Variants in ABCG1 observed in about 807,000 individuals in gnomAD.
The protein encoded by ABCG1 is ATP-binding cassette sub-family G member 1.
A neutral mutation model predicts 69.2 loss-of-function variants in ABCG1; 29 were observed. The observed-to-expected ratio is 0.42, with a 90% CI of 0.31 to 0.57. The LOEUF is 0.57. ABCG1 is among the 20% of genes least tolerant of loss of function. ABCG1 has a pLI of 0.15. For synonymous variants in ABCG1, 370 were observed against 374.8 expected (o/e 0.99, Z 0.15); for missense variants, 718 against 898.1 (o/e 0.80, Z 2.56).
At chr21:42,250,381 C>T (rs1170954018) in intron 2 of ABCG1, among the ~76,000 whole-genome samples, 1 of 152,170 alleles carries the variant, frequency 6.6e-6, no homozygotes, top group African/African-American at 2.4e-5. Flanking sequence ...CCATTCCCTG[C>T]CCCATGCCTC....
intron 2 of ABCG1, among the ~76,000 whole-genome samples, chr21:42,208,751 T>C (rs900399375): frequency 6.6e-6 from 1 of 152,256 alleles, no homozygotes; most frequent in African/African-American, 2.4e-5. Context: ...TAATTTTCCC[T>C]GCTCTAGCAA....
At chr21:42,252,921 C>A (rs948550723) in intron 2 of ABCG1, among the ~76,000 whole-genome samples, 3 of 152,156 alleles carry the variant, frequency 2.0e-5, no homozygotes, top group African/African-American at 7.2e-5. Context: ...GCTGGGGAAG[C>A]TGCTGCTTGA....
chr21:42,254,154 G>A (rs1000708899), intron 2 of ABCG1, among the ~76,000 whole-genome samples: 7 of 152,272 alleles, frequency 4.6e-5, no homozygotes, highest in South Asian at 4.1e-4. Flanking sequence ...CCCCAGAACC[G>A]GATGACACAA....
At chr21:42,280,804 C>T (rs1008157359) in intron 5 of ABCG1, among the ~76,000 whole-genome samples, 2 of 152,226 alleles carry the variant, frequency 1.3e-5, no homozygotes, top group Non-Finnish European at 2.9e-5. Flanking sequence ...CGGCCAAGAG[C>T]GTCGCCCAGT....
chr21:42,222,391 T>C (rs2123507351), intron 1 of ABCG1, among the ~76,000 whole-genome samples: 1 of 152,352 alleles, frequency 6.6e-6, no homozygotes, highest in East Asian at 1.9e-4. Context: ...CTGTATGCAT[T>C]GCTTTGCTGT....
chr21:42,237,772 C>T (rs565414422), intron 2 of ABCG1, among the ~76,000 whole-genome samples: 4 of 152,352 alleles, frequency 2.6e-5, no homozygotes, highest in African/African-American at 9.6e-5. Context: ...CATGAGCCAC[C>T]TCTGACTAAG....
At position 42,271,143 on chromosome 21, in the gene ABCG1, CG is replaced by C; in HGVS notation, c.364del (p.Ala122ProfsTer6). 6.3e-7 allele frequency: 1 copy of C among 1,580,818 alleles called. No individual in the cohort carries two copies. Among genetic ancestry groups the C allele is most frequent in the Non-Finnish European group, 8.6e-7 (1 of 1,166,068 alleles). ...AGTTGGTGGCCATTATGGGTCCTTCCGGGGCCGGGAAGTCCACGCTGATGAA... is the reference window on the plus strand; with the variant it reads ...AGTTGGTGGCCATTATGGGTCCTTCCGGGCCGGGAAGTCCACGCTGATGAA... ...GELVAIMGPSGAGKSTLMNIL... is the reference protein window; with the variant it reads ...GELVAIMGPSXAGKSTLMNIL... On this transcript the variant is annotated frameshift_variant, in exon 3 of 15. Transcript: ENST00000398449. LOFTEE classifies it high-confidence loss of function.
chr21:42,224,120 G>T (rs1405719876), intron 1 of ABCG1, among the ~76,000 whole-genome samples: 3 of 152,224 alleles, frequency 2.0e-5, no homozygotes, highest in Non-Finnish European at 4.4e-5. Context: ...TATTTGTGTG[G>T]CAAGGTGGGG....
At chr21:42,260,959 C>T (rs2068398828) in intron 2 of ABCG1, among the ~76,000 whole-genome samples, 1 of 152,134 alleles carries the variant, frequency 6.6e-6, no homozygotes, top group Admixed American at 6.6e-5. Context: ...GTAGCTGGGA[C>T]TACAGGCGCC....
chr21:42,249,545 T>C (rs1448341410), intron 2 of ABCG1, among the ~76,000 whole-genome samples: 2 of 152,194 alleles, frequency 1.3e-5, no homozygotes, highest in Non-Finnish European at 2.9e-5. Context: ...AAATGAGTTC[T>C]GTGTTGAGAA....
At chr21:42,221,138 T>A (rs968093641) in intron 1 of ABCG1, 5 of 152,116 alleles carry the variant, frequency 3.3e-5, no homozygotes, top group Admixed American at 1.3e-4. Context: ...CTCTGAAAAC[T>A]GGGTACTTTA....
intron 2 of ABCG1, chr21:42,255,959 T>C (rs2068297354): frequency 3.5e-6 from 1 of 289,744 alleles, no homozygotes; most frequent in Admixed American, 5.2e-5. Flanking sequence ...CTTTGTTTTC[T>C]AGGACATCTC....
chr21:42,232,044 G>GC (rs2067908754), intron 2 of ABCG1, among the ~76,000 whole-genome samples: 1 of 152,154 alleles, frequency 6.6e-6, no homozygotes, highest in African/African-American at 2.4e-5. Flanking sequence ...GTTCTCAGTG[G>GC]CCCCCAGGTG....
At chr21:42,223,967 G>T (rs2067772720) in intron 1 of ABCG1, among the ~76,000 whole-genome samples, 1 of 152,190 alleles carries the variant, frequency 6.6e-6, no homozygotes, top group African/African-American at 2.4e-5. Context: ...CTGGGGTGGA[G>T]GTGGAGAGGA....
chr21:42,278,705 A>T (rs182694), intron 5 of ABCG1, among the ~76,000 whole-genome samples: 11 of 152,014 alleles, frequency 7.2e-5, no homozygotes, highest in African/African-American at 2.7e-4. Context: ...ACTTCGTTAC[A>T]GCAGTGAACG....
rs1362303941 is a variant in ABCG1 at position 42,287,091 on chromosome 21, G to T, written c.974-798G>T. On this transcript the variant is annotated intron_variant, in intron 8 of 14. Transcript: ENST00000398449. The surrounding 1 kb of genome is among the most constrained non-coding windows in gnomAD (Gnocchi z 6.2). ...AAAGGTAAGGGTGTTGGGGAGCTTT[G>T]GGCCTTAGCAAGAACGTTACTGGAG... Among the ~76,000 whole-genome samples, 1 of 152,202 alleles carries T rather than the reference G, an allele frequency of 6.6e-6. No individual in the cohort carries two copies. Among genetic ancestry groups the T allele is most frequent in the African/African-American group, 2.4e-5 (1 of 41,444 alleles).
Position 42,266,373 on chromosome 21 carries a change from A to G in ABCG1, c.287-4697A>G, listed in dbSNP as rs527831789. Among the ~76,000 whole-genome samples, 4 of 152,290 alleles carry G rather than the reference A, an allele frequency of 2.6e-5. No individual in the cohort carries two copies. The East Asian group carries it at 7.7e-4, about 29-fold the overall frequency. On this transcript the variant is annotated intron_variant, in intron 2 of 14. Transcript: ENST00000398449. Reference sequence around the variant, plus strand: ...ATGAAATTCAGCCAAGGTGAGTCTGATTAGGAGGGTTTGGGATCAAGGTGC... The same window carrying G: ...ATGAAATTCAGCCAAGGTGAGTCTGGTTAGGAGGGTTTGGGATCAAGGTGC...
chr21:42,234,199 C>T (rs1178182203), intron 2 of ABCG1, among the ~76,000 whole-genome samples: 1 of 152,110 alleles, frequency 6.6e-6, no homozygotes. Flanking sequence ...AGGGCCTGCC[C>T]AGGACCGCTG....
At chr21:42,220,527 A>G (rs191171965) in intron 1 of ABCG1, among the ~76,000 whole-genome samples, 5 of 152,358 alleles carry the variant, frequency 3.3e-5, no homozygotes, top group African/African-American at 7.2e-5. Flanking sequence ...CCAGCTCATT[A>G]TATAATGATT....
Sources: gnomAD v4.1 joint callset for allele counts (sites outside exome capture counted in the v4.1 genomes callset) on GRCh38, gnomAD v4.1.1 for gene constraint, Gnocchi (gnomAD v3.1) non-coding constraint, MANE v1.5 for transcripts, NCBI Gene and HGNC (gene_info 2026-07-23, HGNC 2026-07-21) for gene names.